The following GPHN variants were observed in gnomAD, a reference collection of about 807,000 sequenced individuals.
The protein encoded by GPHN is gephyrin.
GPHN carries 17 observed loss-of-function variants against 95.5 expected under a neutral mutation model. The observed-to-expected ratio is 0.18, with a 90% CI of 0.12 to 0.27. GPHN has a LOEUF of 0.27. GPHN is among the 10% of genes least tolerant of loss of function. The pLI, the probability that GPHN is intolerant of heterozygous loss-of-function variation, is 1.00. For missense variants in GPHN, 660 were observed against 978.1 expected (o/e 0.67, Z 4.34); for synonymous variants, 320 against 322.5 (o/e 0.99, Z 0.08).
At chr14:66,664,073 G>A (rs2065809012) in intron 1 of GPHN, among the ~76,000 whole-genome samples, 1 of 152,060 alleles carries the variant, frequency 6.6e-6, no homozygotes, top group Non-Finnish European at 1.5e-5. Context: ...GACAGACTGA[G>A]ACAGAAAATT....
chr14:67,000,975 C>T (rs1422081613), intron 9 of GPHN, among the ~76,000 whole-genome samples: 1 of 151,418 alleles, frequency 6.6e-6, no homozygotes, highest in Admixed American at 6.6e-5. Flanking sequence ...TCTGCTTATC[C>T]TTGTATATTG....
At chr14:67,497,502 T>C in the GPHN span, among the ~76,000 whole-genome samples, 3 of 152,104 alleles carry the variant, frequency 2.0e-5, no homozygotes, top group Non-Finnish European at 2.9e-5. Context: ...ACACCTGGAA[T>C]GCAATTCCCA....
chr14:67,058,786 G>A lies in GPHN; in HGVS notation c.1144G>A (p.Asp382Asn). The stretch of plus-strand genomic sequence containing the variant: ...TGGGACAGAAATCATCAATTACCGA[G>A]GTACTATTATATTTGACCATTGCCC... Reference protein sequence around the residue: ...VLGTEIINYRDGMGRVLAQDV... With the variant: ...VLGTEIINYRNGMGRVLAQDV... The change falls in exon 11 of 23, where the codon GAT becomes AAT. Residue 382 changes from aspartate to asparagine, a missense_variant and splice_region_variant. Around this residue, in one of 6 missense-constraint regions of GPHN, gnomAD observed 257 missense variants for 376.2 expected, o/e 0.68. Transcript: ENST00000478722. 2 of 1,612,822 alleles carry A rather than the reference G, an allele frequency of 1.2e-6. No homozygotes were observed. The highest frequency in any genetic ancestry group is 1.1e-5 in the South Asian group (1 of 91,036).
the GPHN span, among the ~76,000 whole-genome samples, chr14:67,380,211 G>A: frequency 6.6e-6 from 1 of 152,290 alleles, no homozygotes; most frequent in East Asian, 1.9e-4. Flanking sequence ...ACTTAGGAGG[G>A]TCAGATGAAA....
chr14:67,579,226 A>C, the GPHN span: 1 of 1,611,052 alleles, frequency 6.2e-7, no homozygotes, highest in Middle Eastern at 1.6e-4. Context: ...TCGCGCATGG[A>C]AGTGGTGTCC....
At chr14:67,324,627 C>T in the GPHN span, among the ~76,000 whole-genome samples, 4 of 152,102 alleles carry the variant, frequency 2.6e-5, no homozygotes, top group Non-Finnish European at 5.9e-5. Context: ...CTCTATTGCC[C>T]AGGCTGGAGT....
intron 19 of GPHN, 135 bp from the exon 20 acceptor site, chr14:67,165,027 T>C (rs1018147499): frequency 1.5e-6 from 1 of 684,042 alleles, no homozygotes; most frequent in Admixed American, 2.3e-5. Flanking sequence ...CTTCAGAGTA[T>C]AAAGATGTAA....
At chr14:66,653,960 A>G (rs1163568956) in intron 1 of GPHN, among the ~76,000 whole-genome samples, 1 of 152,202 alleles carries the variant, frequency 6.6e-6, no homozygotes, top group Non-Finnish European at 1.5e-5. Context: ...CAGAGTTGGC[A>G]TGGTAATTGC....
chr14:67,564,692 CT>C, the GPHN span, among the ~76,000 whole-genome samples: 186 of 136,484 alleles, frequency 1.4e-3, no homozygotes, highest in African/African-American at 1.5e-3. Context: ...TTTTCTTTTC[CT>C]TTTTTTTTTT....
chr14:66,586,034 G>C (rs1202343267), intron 1 of GPHN, among the ~76,000 whole-genome samples: 1 of 152,124 alleles, frequency 6.6e-6, no homozygotes, highest in Admixed American at 6.5e-5. Context: ...AAGTCTCTTT[G>C]TAGGTCACTA....
chr14:67,284,547 T>TTAA, the GPHN span, among the ~76,000 whole-genome samples: 1 of 23,296 alleles, frequency 4.3e-5, no homozygotes, highest in Admixed American at 5.1e-4. Flanking sequence ...GCTGCAGTGC[T>TTAA]AAAAAAAAAA....
At chr14:66,942,430 T>G (rs1455048443) in intron 8 of GPHN, among the ~76,000 whole-genome samples, 1 of 152,248 alleles carries the variant, frequency 6.6e-6, no homozygotes, top group Non-Finnish European at 1.5e-5. Flanking sequence ...AACCTGCATT[T>G]GAGAGCACCT....
chr14:67,369,678 G>T, the GPHN span, among the ~76,000 whole-genome samples: 3 of 152,180 alleles, frequency 2.0e-5, no homozygotes, highest in Non-Finnish European at 4.4e-5. Context: ...TGGGAGGGAA[G>T]AGTTTGCAGT....
At chr14:66,884,792 ATGTGTGTG>A (rs577117525) in intron 5 of GPHN, among the ~76,000 whole-genome samples, 2 of 146,014 alleles carry the variant, frequency 1.4e-5, no homozygotes, top group South Asian at 2.1e-4. Flanking sequence ...ACTCACACAT[ATGTGTGTG>A]TGTGTGTATG....
intron 9 of GPHN, among the ~76,000 whole-genome samples, chr14:66,970,264 G>A (rs2069663575): frequency 6.6e-6 from 1 of 152,082 alleles, no homozygotes; most frequent in Admixed American, 6.6e-5. Flanking sequence ...AACAAAATAT[G>A]TAATTATTAC....
At chr14:67,658,619 G>A in the GPHN span, among the ~76,000 whole-genome samples, 1 of 152,108 alleles carries the variant, frequency 6.6e-6, no homozygotes, top group South Asian at 2.1e-4. Flanking sequence ...AATAATTTCT[G>A]AAACTCATAA....
intron 1 of GPHN, among the ~76,000 whole-genome samples, chr14:66,645,638 G>A (rs948840409): frequency 6.8e-6 from 1 of 146,872 alleles, no homozygotes; most frequent in South Asian, 2.1e-4. Flanking sequence ...GTTGCAGTGA[G>A]CCAAGATCAT....
chr14:66,874,837 G>T (rs2063582133), intron 4 of GPHN, among the ~76,000 whole-genome samples: 1 of 152,168 alleles, frequency 6.6e-6, no homozygotes, highest in African/African-American at 2.4e-5. Context: ...ACACTCTTCA[G>T]GGTATTATCC....
chr14:66,710,935 C>T (rs1040928238), intron 2 of GPHN, among the ~76,000 whole-genome samples: 14 of 152,166 alleles, frequency 9.2e-5, no homozygotes, highest in Non-Finnish European at 1.9e-4. Context: ...TCATTATTTT[C>T]ATAATTTGAG....
Sources: gnomAD v4.1 joint callset for allele counts (sites outside exome capture counted in the v4.1 genomes callset) on GRCh38, gnomAD v4.1.1 for gene constraint, gnomAD v4.1.1 regional missense constraint, MANE v1.5 for transcripts, NCBI Gene and HGNC (gene_info 2026-07-23, HGNC 2026-07-21) for gene names.